Variants in MINDY4 observed in about 807,000 individuals in gnomAD.
MINDY4 encodes probable ubiquitin carboxyl-terminal hydrolase MINDY-4.
In MINDY4, 68 loss-of-function variants were observed where a neutral mutation model predicts 87.0. The observed-to-expected ratio is 0.78, with a 90% CI of 0.64 to 0.96. MINDY4 has a LOEUF of 0.96. Among genes scored for constraint, MINDY4 ranks in the 40% least tolerant of loss-of-function variants. The pLI is 0.00. For synonymous variants in MINDY4, 379 were observed against 363.2 expected (o/e 1.04, Z -0.50); for missense variants, 919 against 928.2 (o/e 0.99, Z 0.13).
intron 1 of MINDY4, among the ~76,000 whole-genome samples, chr7:30,772,309 A>T (rs140676813): frequency 6.6e-6 from 1 of 152,094 alleles, no homozygotes; most frequent in Non-Finnish European, 1.5e-5. Flanking sequence ...GGCGATGGGT[A>T]CTTGTCTTGT....
At chr7:30,805,720 C>T (rs1007832902) in intron 5 of MINDY4, among the ~76,000 whole-genome samples, 1 of 151,850 alleles carries the variant, frequency 6.6e-6, no homozygotes, top group Non-Finnish European at 1.5e-5. Context: ...AGTCAACTGT[C>T]GTGTATTGAG....
chr7:30,786,704 A>AC (rs985063262), intron 4 of MINDY4: 1 of 150,870 alleles, frequency 6.6e-6, no homozygotes, highest in African/African-American at 2.4e-5. Context: ...AAGGGGCTAA[A>AC]CCCCCCAAGC....
At chr7:30,772,560 G>A (rs1270584781) in intron 1 of MINDY4, among the ~76,000 whole-genome samples, 3 of 152,182 alleles carry the variant, frequency 2.0e-5, no homozygotes, top group Non-Finnish European at 4.4e-5. Flanking sequence ...TAGATACAAT[G>A]TGCACGTAGG....
Position 30,791,538 on chromosome 7 carries a change from C to T in MINDY4, c.1037C>T (p.Ala346Val), listed in dbSNP as rs1303043262. 20 of 1,613,236 alleles carry T rather than the reference C, an allele frequency of 1.2e-5. No individual in the cohort carries two copies. The highest frequency in any genetic ancestry group is 1.6e-5 in the Non-Finnish European group (19 of 1,179,556). Residue 346 changes from alanine (A) to valine (V), a missense_variant, in exon 5 of 18, where the codon GCG (alanine) becomes GTG (valine). Physicochemically the swap from Ala to Val is moderately conservative, Grantham distance 64. Coordinates refer to ENST00000265299, the MANE Select transcript of MINDY4 (RefSeq NM_032222.3). Reference protein sequence around the residue: ...SRMTQERLERAFKRQGSQPAP... With the variant: ...SRMTQERLERVFKRQGSQPAP... ...ATGACCCAGGAGAGGCTGGAAAGAG[C>T]GTTCAAACGGCAGGGCAGCCAGCCC... is the stretch of plus-strand genomic sequence containing the variant.
At chr7:30,888,176 G>A (rs1470287539) in intron 17 of MINDY4, among the ~76,000 whole-genome samples, 1 of 152,116 alleles carries the variant, frequency 6.6e-6, no homozygotes, top group African/African-American at 2.4e-5. Context: ...GCCTCTGGGG[G>A]GACAGGGCCT....
At chr7:30,880,430 TA>T (rs1790428612) in intron 15 of MINDY4, among the ~76,000 whole-genome samples, 1 of 152,154 alleles carries the variant, frequency 6.6e-6, no homozygotes, top group African/African-American at 2.4e-5. Context: ...GAAACTCATT[TA>T]TAAAGTCTGT....
intron 13 of MINDY4, among the ~76,000 whole-genome samples, chr7:30,868,162 G>A (rs1216075266): frequency 3.3e-5 from 5 of 152,218 alleles, no homozygotes; most frequent in African/African-American, 7.2e-5. Flanking sequence ...GGGACAAGCT[G>A]TGCCTGAGCC....
At chr7:30,786,489 G>T (rs1584236652) in intron 4 of MINDY4, 1 of 161,362 alleles carries the variant, frequency 6.2e-6, no homozygotes, top group East Asian at 1.8e-4. Context: ...TAGGCAGGTG[G>T]GGTGATGTGC....
intron 5 of MINDY4, among the ~76,000 whole-genome samples, chr7:30,806,742 T>C (rs1752543906): frequency 6.6e-6 from 1 of 152,266 alleles, no homozygotes. Context: ...CTTTTTTTAT[T>C]GAAGGCTAGG....
At chr7:30,879,625 C>T (rs1189914285) in intron 15 of MINDY4, among the ~76,000 whole-genome samples, 1 of 152,222 alleles carries the variant, frequency 6.6e-6, no homozygotes, top group Admixed American at 6.5e-5. Context: ...GCACGCTGCA[C>T]CCTCCACCTG....
rs1406822207 is a variant in MINDY4, at chr7:30,771,564, C to T, written c.63+8C>T. ...GAGTTCCTCAGCAGAAAGGTAACGG[C>T]TCGCCCCCTCCAAAGCCCAGGAAGT... On this transcript the variant is annotated splice_region_variant and intron_variant, in intron 1 of 17. Transcript: ENST00000265299. The T allele has an allele frequency of 3.8e-6, 6 of 1,587,872 alleles. No homozygotes were observed. The East Asian group carries it at 6.8e-5, about 18-fold the overall frequency.
At chr7:30,888,652 A>C (rs1053781167) in intron 17 of MINDY4, among the ~76,000 whole-genome samples, 2 of 152,130 alleles carry the variant, frequency 1.3e-5, no homozygotes, top group Admixed American at 1.3e-4. Flanking sequence ...CCAATCGGGG[A>C]ACGATTCGAT....
At chr7:30,808,575 A>C (rs928515418) in intron 5 of MINDY4, among the ~76,000 whole-genome samples, 1 of 152,142 alleles carries the variant, frequency 6.6e-6, no homozygotes, top group East Asian at 1.9e-4. Flanking sequence ...ACTAGGAACT[A>C]TGCTGAAAAA....
intron 13 of MINDY4, among the ~76,000 whole-genome samples, chr7:30,866,486 G>C (rs1395152698): frequency 6.6e-6 from 1 of 152,166 alleles, no homozygotes; most frequent in Non-Finnish European, 1.5e-5. Flanking sequence ...CACAGTTGCT[G>C]TGCACCTGCG....
intron 6 of MINDY4, among the ~76,000 whole-genome samples, chr7:30,832,797 C>T (rs1022391818): frequency 1.3e-5 from 2 of 152,144 alleles, no homozygotes; most frequent in South Asian, 2.1e-4. Context: ...CATGAGCCAC[C>T]GTGCCTGGCC....
intron 5 of MINDY4, among the ~76,000 whole-genome samples, chr7:30,827,662 G>T (rs572188405): frequency 6.6e-6 from 1 of 152,190 alleles, no homozygotes; most frequent in African/African-American, 2.4e-5. Context: ...CTGGGAGGGA[G>T]GGTGAGGGAG....
intron 5 of MINDY4, among the ~76,000 whole-genome samples, chr7:30,816,258 C>T (rs1298658904): frequency 6.6e-6 from 1 of 150,984 alleles, no homozygotes. Context: ...TTTTGTTTTG[C>T]AAACTGTATG....
intron 5 of MINDY4, among the ~76,000 whole-genome samples, chr7:30,816,111 C>A (rs1788140906): frequency 6.6e-6 from 1 of 151,836 alleles, no homozygotes; most frequent in Admixed American, 6.6e-5. Context: ...GCTGGATGAG[C>A]TGTATCTAGG....
rs745560380 is a variant in MINDY4 at position 30,785,852 on chromosome 7, T to C, written c.523T>C (p.Leu175=). The part of the protein sequence containing the change: ...MQTVPGETPV[L]TSAWEKIDKL... ...GACGGTCCCGGGTGAAACTCCTGTG[T>C]TGACTTCTGCATGGGAGAAGATAGA... The change falls in exon 4 of 18, where the codon TTG becomes CTG. Residue 175 remains leucine (L), a synonymous_variant. Transcript: ENST00000265299. 52 of 1,614,096 alleles carry C rather than the reference T, an allele frequency of 3.2e-5. No individual in the cohort carries two copies. Among genetic ancestry groups the C allele is most frequent in the Non-Finnish European group, 4.4e-5 (52 of 1,180,038 alleles).
Sources: gnomAD v4.1 joint callset for allele counts (sites outside exome capture counted in the v4.1 genomes callset) on GRCh38, gnomAD v4.1.1 for gene constraint, MANE v1.5 for transcripts, NCBI Gene and HGNC (gene_info 2026-07-23, HGNC 2026-07-21) for gene names.